Variants in MYO1E observed in about 807,000 individuals in gnomAD.
MYO1E encodes the protein unconventional myosin-Ie.
Under a neutral mutation model 151.1 loss-of-function variants are expected in MYO1E, and 68 were observed. The observed-to-expected ratio is 0.45, with a 90% CI of 0.37 to 0.55. The LOEUF (loss-of-function observed/expected upper bound fraction) is 0.55. Among genes scored for constraint, MYO1E ranks in the 20% least tolerant of loss-of-function variants. The probability of loss-of-function intolerance (pLI) is 0.00; values close to 1 mark genes in which losing one functional copy is unlikely to be tolerated. For synonymous variants in MYO1E, 601 were observed against 501.7 expected (o/e 1.20, Z -2.64); for missense variants, 1,363 against 1,389.3 (o/e 0.98, Z 0.30).
chr15:59,301,807 C>T (rs756139956), intron 1 of MYO1E, among the ~76,000 whole-genome samples: 1 of 152,184 alleles, frequency 6.6e-6, no homozygotes, highest in Non-Finnish European at 1.5e-5. Context: ...TTGTTTCCAA[C>T]CTCACAGGGT....
At chr15:59,359,099 C>A (rs570259242) in intron 1 of MYO1E, among the ~76,000 whole-genome samples, 2 of 152,006 alleles carry the variant, frequency 1.3e-5, no homozygotes, top group Admixed American at 6.6e-5. Flanking sequence ...TACTTCTCAT[C>A]TTGACATTCT....
intron 22 of MYO1E, among the ~76,000 whole-genome samples, chr15:59,168,222 TTTA>T (rs757314973): frequency 2.0e-5 from 3 of 152,070 alleles, no homozygotes; most frequent in Non-Finnish European, 4.4e-5. Context: ...AGAAAAACAT[TTTA>T]TTATGGAAAA....
intron 1 of MYO1E, among the ~76,000 whole-genome samples, chr15:59,333,155 C>G (rs1328570707): frequency 1.3e-5 from 2 of 152,208 alleles, no homozygotes; most frequent in Admixed American, 6.5e-5. Context: ...CTTTTAAACT[C>G]TGAAATCCTA....
chr15:59,351,835 C>A (rs2080825192), intron 1 of MYO1E, among the ~76,000 whole-genome samples: 1 of 152,138 alleles, frequency 6.6e-6, no homozygotes, highest in Non-Finnish European at 1.5e-5. Flanking sequence ...AAAAGGAAAA[C>A]CAGGTAGGAG....
chr15:59,182,679 G>T (rs1463471985), intron 18 of MYO1E, among the ~76,000 whole-genome samples: 1 of 152,170 alleles, frequency 6.6e-6, no homozygotes, highest in African/African-American at 2.4e-5. Flanking sequence ...CAACATAAAA[G>T]GAATAACAAA....
intron 1 of MYO1E, among the ~76,000 whole-genome samples, chr15:59,277,780 A>G (rs1474729356): frequency 6.6e-6 from 1 of 152,216 alleles, no homozygotes; most frequent in African/African-American, 2.4e-5. Context: ...GCATGTCCTG[A>G]TATGGAAAGA....
intron 26 of MYO1E, among the ~76,000 whole-genome samples, chr15:59,152,725 CAG>C (rs1422060481): frequency 6.6e-6 from 1 of 152,166 alleles, no homozygotes; most frequent in Non-Finnish European, 1.5e-5. Context: ...AACTGAAGCT[CAG>C]AGAGAGCAAA....
At chr15:59,342,807 T>A (rs1331645561) in intron 1 of MYO1E, among the ~76,000 whole-genome samples, 2 of 152,174 alleles carry the variant, frequency 1.3e-5, no homozygotes, top group African/African-American at 2.4e-5. Context: ...GAGGTTACCA[T>A]GAGGCTTGCA....
chr15:59,335,168 A>T (rs1287370256), intron 1 of MYO1E, among the ~76,000 whole-genome samples: 1 of 152,258 alleles, frequency 6.6e-6, no homozygotes, highest in Non-Finnish European at 1.5e-5. Flanking sequence ...CATTATTTGC[A>T]TAGCTCATGG....
intron 1 of MYO1E, among the ~76,000 whole-genome samples, chr15:59,334,143 T>C (rs1383019052): frequency 3.9e-5 from 6 of 152,128 alleles, no homozygotes; most frequent in African/African-American, 1.4e-4. Context: ...TAGCCTGGCA[T>C]GGTGGCACAC....
At position 59,218,322 on chromosome 15, in the gene MYO1E, T is replaced by C. The variant is rs748036602; in HGVS notation, c.911-235A>G. 8 of 647,182 alleles carry C rather than the reference T, an allele frequency of 1.2e-5. No homozygotes were observed. The East Asian group carries it at 2.2e-4, about 18-fold the overall frequency. The allele number at this position is 647,182 out of a possible 1,614,324, so 40.1% of individuals were successfully genotyped here. On this transcript the variant is annotated intron_variant, in intron 9 of 27. Coordinates refer to ENST00000288235, the MANE Select transcript of MYO1E (RefSeq NM_004998.4). The stretch of plus-strand genomic sequence containing the variant: ...GACATGAGTCAATTCCTATGATGAC[T>C]GAGACTTCCAATAATACAAATCAGG...
At chr15:59,333,138 C>T (rs1400402551) in intron 1 of MYO1E, among the ~76,000 whole-genome samples, 1 of 152,216 alleles carries the variant, frequency 6.6e-6, no homozygotes, top group African/African-American at 2.4e-5. Flanking sequence ...TAAGAAATGT[C>T]ACATTTCTTT....
intron 4 of MYO1E, among the ~76,000 whole-genome samples, chr15:59,253,898 A>C (rs1373567949): frequency 8.8e-5 from 8 of 90,886 alleles, no homozygotes; most frequent in Non-Finnish European, 1.9e-4. Context: ...CAGGACAAAC[A>C]ACCTTTTTTT....
At chr15:59,252,714 C>CA (rs35229671) in intron 4 of MYO1E, among the ~76,000 whole-genome samples, 22,403 of 117,086 alleles carry the variant, frequency 0.19, 2,441 homozygotes, top group East Asian at 0.55. Flanking sequence ...GACTCTGTCT[C>CA]AAAAAAAAAA....
intron 1 of MYO1E, among the ~76,000 whole-genome samples, chr15:59,317,087 G>A (rs1041542677): frequency 3.3e-5 from 5 of 152,158 alleles, no homozygotes; most frequent in African/African-American, 2.4e-5. Flanking sequence ...GCCAAAAGGG[G>A]CATGTACATT....
chr15:59,155,521 G>C (rs555178717), intron 25 of MYO1E, among the ~76,000 whole-genome samples: 1 of 152,274 alleles, frequency 6.6e-6, no homozygotes, highest in African/African-American at 2.4e-5. Flanking sequence ...GTCATTTAGA[G>C]AGTTGGGGAG....
intron 1 of MYO1E, among the ~76,000 whole-genome samples, chr15:59,316,004 G>T (rs1424545942): frequency 1.3e-5 from 2 of 152,078 alleles, no homozygotes; most frequent in African/African-American, 2.4e-5. Context: ...GGCACCCGTG[G>T]GCCAACAAGT....
intron 1 of MYO1E, among the ~76,000 whole-genome samples, chr15:59,371,434 GA>G (rs1596447663): frequency 1.9e-5 from 1 of 52,852 alleles, no homozygotes; most frequent in African/African-American, 4.3e-5. Context: ...CCTTGTAATA[GA>G]TTTTTTTTTT....
intron 18 of MYO1E, among the ~76,000 whole-genome samples, chr15:59,182,343 G>A (rs965810222): frequency 6.6e-6 from 1 of 152,116 alleles, no homozygotes. Flanking sequence ...CTTCTGAGTA[G>A]CTGGGACTAC....
Sources: allele counts gnomAD v4.1 joint callset (sites outside exome capture counted in the v4.1 genomes callset), GRCh38; gene constraint gnomAD v4.1.1; transcripts MANE v1.5; gene names NCBI Gene and HGNC (gene_info 2026-07-23, HGNC 2026-07-21).